The following MAP7 variants were observed in gnomAD, a reference collection of about 807,000 sequenced individuals.
MAP7 encodes ensconsin.
Under a neutral mutation model 94.8 loss-of-function variants are expected in MAP7, and 52 were observed. The observed-to-expected ratio is 0.55, with a 90% CI of 0.44 to 0.69. The LOEUF is 0.69. MAP7 is among the 30% of genes least tolerant of loss of function. MAP7 has a pLI of 0.00. For missense variants in MAP7, 940 were observed against 964.6 expected, an observed-to-expected ratio of 0.97 and a Z score of 0.34; for synonymous variants, 350 against 357.0, an observed-to-expected ratio of 0.98 and a Z score of 0.22.
At chr6:136,526,277 GCACACACA>G (rs61514681) in intron 1 of MAP7, 23 of 936,220 alleles carry the variant, frequency 2.5e-5, no homozygotes, top group Non-Finnish European at 2.7e-5. Flanking sequence ...ACACGCGCGC[GCACACACA>G]CACACACACA....
At chr6:136,527,623 C>T (rs1365584910) in intron 1 of MAP7, among the ~76,000 whole-genome samples, 4 of 152,240 alleles carry the variant, frequency 2.6e-5, no homozygotes, top group East Asian at 1.9e-4. Flanking sequence ...GGATTAAATG[C>T]GTGTAGTGCT....
chr6:136,374,981 G>C (rs988398669), intron 7 of MAP7, among the ~76,000 whole-genome samples: 1 of 151,692 alleles, frequency 6.6e-6, no homozygotes, highest in Non-Finnish European at 1.5e-5. Context: ...AATTAAACAT[G>C]AACACTGTCT....
chr6:136,501,920 C>T (rs1324865590), intron 1 of MAP7, among the ~76,000 whole-genome samples: 1 of 152,156 alleles, frequency 6.6e-6, no homozygotes, highest in African/African-American at 2.4e-5. Flanking sequence ...AAAGATTCCT[C>T]CTGTGAATTC....
At chr6:136,401,151 C>A (rs1229194950) in intron 3 of MAP7, among the ~76,000 whole-genome samples, 1 of 152,160 alleles carries the variant, frequency 6.6e-6, no homozygotes, top group East Asian at 1.9e-4. Flanking sequence ...GAGTTTGAGA[C>A]TAGCATGGGC....
intron 8 of MAP7, 77 bp from the exon 9 acceptor site, chr6:136,366,516 T>C (rs1794370564): frequency 2.0e-6 from 2 of 988,652 alleles, no homozygotes; most frequent in Admixed American, 3.7e-5. Context: ...ACAGTGGAGC[T>C]AGAAACCATT....
intron 1 of MAP7, chr6:136,466,860 G>T: frequency 6.5e-7 from 1 of 1,531,048 alleles, no homozygotes; most frequent in Non-Finnish European, 8.7e-7. Flanking sequence ...CCTCAGCCAG[G>T]CAAAGACCAA....
intron 8 of MAP7, among the ~76,000 whole-genome samples, chr6:136,366,836 T>C (rs781585573): frequency 8.8e-4 from 58 of 65,622 alleles, no homozygotes; most frequent in Non-Finnish European, 2.3e-3. Flanking sequence ...CATCTTTTTC[T>C]TTTTAATTCT....
intron 2 of MAP7, among the ~76,000 whole-genome samples, chr6:136,414,441 C>T (rs1788685406): frequency 6.6e-6 from 1 of 151,646 alleles, no homozygotes; most frequent in Non-Finnish European, 1.5e-5. Flanking sequence ...GACATGACGA[C>T]CCTCTCAGGC....
intron 1 of MAP7, among the ~76,000 whole-genome samples, chr6:136,428,352 C>T (rs1432684696): frequency 6.6e-6 from 1 of 152,082 alleles, no homozygotes; most frequent in African/African-American, 2.4e-5. Context: ...CTCGTCCCTA[C>T]TAAGCATACA....
At chr6:136,402,905 CAAAAAAAAAAAAAAAAAAAAAAA>C (rs57114676) in intron 3 of MAP7, among the ~76,000 whole-genome samples, 124 of 67,392 alleles carry the variant, frequency 1.8e-3, no homozygotes, top group Admixed American at 2.9e-3. Flanking sequence ...GACTCTGTCT[CAAAAAAAAAAAAAAAAAAAAAAA>C]AAAAAAAAAA....
chr6:136,497,952 T>C (rs1363352954), intron 1 of MAP7, among the ~76,000 whole-genome samples: 1 of 152,010 alleles, frequency 6.6e-6, no homozygotes, highest in South Asian at 2.1e-4. Context: ...AAATCATCTT[T>C]GGAGAAAGGC....
intron 5 of MAP7, among the ~76,000 whole-genome samples, chr6:136,386,762 A>G (rs1258141770): frequency 1.3e-5 from 2 of 152,210 alleles, no homozygotes; most frequent in Non-Finnish European, 2.9e-5. Flanking sequence ...TCACTGTCAT[A>G]AGAAAGTAAG....
At chr6:136,429,563 C>T (rs945286382) in intron 1 of MAP7, among the ~76,000 whole-genome samples, 2 of 152,052 alleles carry the variant, frequency 1.3e-5, no homozygotes, top group Non-Finnish European at 2.9e-5. Flanking sequence ...AATTATCCAC[C>T]CTAGCTAAAC....
chr6:136,497,626 C>A (rs1266236336), intron 1 of MAP7, among the ~76,000 whole-genome samples: 1 of 151,480 alleles, frequency 6.6e-6, no homozygotes, highest in East Asian at 1.9e-4. Flanking sequence ...TGGTGAAACC[C>A]TGTCTCTACT....
At chr6:136,425,725 T>C (rs1392282318) in intron 1 of MAP7, among the ~76,000 whole-genome samples, 1 of 152,206 alleles carries the variant, frequency 6.6e-6, no homozygotes, top group East Asian at 1.9e-4. Context: ...ACACTCCTAA[T>C]GACATTCCTG....
At chr6:136,442,631 A>T (rs1471504690) in intron 1 of MAP7, among the ~76,000 whole-genome samples, 2 of 152,248 alleles carry the variant, frequency 1.3e-5, no homozygotes, top group Non-Finnish European at 2.9e-5. Context: ...TTTGATGTAC[A>T]TCTCTGGTTT....
At chr6:136,451,606 A>C (rs1272533020) in intron 1 of MAP7, among the ~76,000 whole-genome samples, 2 of 152,182 alleles carry the variant, frequency 1.3e-5, no homozygotes, top group Non-Finnish European at 2.9e-5. Context: ...TTAAGAAATA[A>C]ATTTCTTAAG....
intron 1 of MAP7, among the ~76,000 whole-genome samples, chr6:136,451,809 A>C (rs1033962534): frequency 1.3e-5 from 2 of 152,216 alleles, no homozygotes; most frequent in Non-Finnish European, 2.9e-5. Context: ...TCAAGACTTC[A>C]GTGGAGGTTA....
intron 1 of MAP7, among the ~76,000 whole-genome samples, chr6:136,548,321 G>C (rs1010845826): frequency 6.6e-6 from 1 of 151,892 alleles, no homozygotes; most frequent in Non-Finnish European, 1.5e-5. Flanking sequence ...CTACCACCTA[G>C]ATTCAAAAAA....
Sources: allele counts gnomAD v4.1 joint callset (sites outside exome capture counted in the v4.1 genomes callset), GRCh38; gene constraint gnomAD v4.1.1; transcripts MANE v1.5; gene names NCBI Gene and HGNC (gene_info 2026-07-23, HGNC 2026-07-21).